PLEKHG5: variants seen among roughly 807,000 people sequenced by gnomAD.
PLEKHG5 encodes pleckstrin homology and RhoGEF domain containing G5, also known as pleckstrin homology domain-containing family G member 5.
A neutral mutation model predicts 103.8 loss-of-function variants in PLEKHG5; 52 were observed. That is an observed-to-expected ratio of 0.50 (90% CI 0.40 to 0.63). The LOEUF (loss-of-function observed/expected upper bound fraction) is 0.63, where lower values mean the gene tolerates loss of function less well. Ranked by LOEUF, PLEKHG5 falls within the 30% of genes least tolerant of loss-of-function variation. The pLI, the probability that PLEKHG5 is intolerant of heterozygous loss-of-function variation, is 0.00. For missense variants in PLEKHG5, 1,205 were observed against 1,347.6 expected (o/e 0.89, Z 1.66); for synonymous variants, 592 against 575.5 (o/e 1.03, Z -0.41).
At chr1:6,485,785 G>A (rs980522081) in intron 1 of PLEKHG5, 57 of 695,546 alleles carry the variant, frequency 8.2e-5, no homozygotes, top group Non-Finnish European at 1.0e-4. Context: ...CCTCCGCCCA[G>A]TCCCCGGGAC....
chr1:6,501,001 T>C (rs970561373), upstream of PLEKHG5, among the ~76,000 whole-genome samples: 6 of 152,232 alleles, frequency 3.9e-5, no homozygotes, highest in Non-Finnish European at 8.8e-5. This position sits in a 1 kb window ranked among gnomAD's most constrained non-coding sequence, Gnocchi z 4.3. Flanking sequence ...ATGTTTTGTT[T>C]GGCTGAGAAC....
intron 1 of PLEKHG5, among the ~76,000 whole-genome samples, chr1:6,482,989 G>A (rs958327488): frequency 7.2e-5 from 11 of 152,314 alleles, no homozygotes; most frequent in African/African-American, 2.6e-4. Flanking sequence ...GATTACAGGC[G>A]TGAGCCACGG....
chr1:6,484,828 C>T (rs1644987310), intron 1 of PLEKHG5, among the ~76,000 whole-genome samples: 1 of 152,136 alleles, frequency 6.6e-6, no homozygotes. Context: ...AGCCAGCTCC[C>T]ACCCCCTCTA....
At chr1:6,515,612 A>C (rs770060142) in intron 1 of PLEKHG5, among the ~76,000 whole-genome samples, 3 of 152,088 alleles carry the variant, frequency 2.0e-5, no homozygotes, top group Admixed American at 6.6e-5. Flanking sequence ...GAATCATTTG[A>C]GGCCAGGAGT....
chr1:6,509,461 G>A (rs538919568), intron 1 of PLEKHG5, among the ~76,000 whole-genome samples: 2 of 152,350 alleles, frequency 1.3e-5, no homozygotes, highest in South Asian at 2.1e-4. Flanking sequence ...GTCCACCCCC[G>A]CAAGGTCTCG....
At chr1:6,496,458 C>T (rs745530934), upstream of PLEKHG5, 3 of 1,514,472 alleles carry the variant, frequency 2.0e-6, no homozygotes, top group Non-Finnish European at 2.7e-6. Flanking sequence ...GGCCCCTCTG[C>T]CCCCGAGGGT....
intron 13 of PLEKHG5, 37 bp downstream of exon 13, chr1:6,470,953 C>A: frequency 6.4e-7 from 1 of 1,552,166 alleles, no homozygotes; most frequent in Non-Finnish European, 8.7e-7. Flanking sequence ...AGGGTCCCGT[C>A]CTCCTGCGCC....
intron 1 of PLEKHG5, among the ~76,000 whole-genome samples, chr1:6,518,723 G>A (rs1008222922): frequency 1.3e-5 from 2 of 152,176 alleles, no homozygotes. Flanking sequence ...CAGTCTGAAG[G>A]GCCTTGGGGC....
chr1:6,472,916 T>A lies in PLEKHG5; in HGVS notation c.984+70A>T, dbSNP rs143910602. 35 of 1,452,846 alleles carry A rather than the reference T, an allele frequency of 2.4e-5. No homozygotes were observed. In the African/African-American group the frequency reaches 4.6e-4, roughly 19 times the overall value. 90.0% of individuals were successfully genotyped at this position (1,452,846 alleles called of 1,614,324 possible). A position where few individuals can be genotyped will look rare whatever the true frequency, so the allele number is the denominator to read the frequency against. ...TTGGGGCGTCCCATGGAACATCTGATCACTGGGTCCTCCCGAGGGCTGTCC... is the reference window on the plus strand; with the variant it reads ...TTGGGGCGTCCCATGGAACATCTGAACACTGGGTCCTCCCGAGGGCTGTCC... On this transcript the variant is annotated intron_variant, in intron 9 of 20. Transcript: ENST00000377728.
chr1:6,512,369 C>A (rs1638497911), intron 1 of PLEKHG5, among the ~76,000 whole-genome samples: 1 of 152,256 alleles, frequency 6.6e-6, no homozygotes, highest in South Asian at 2.1e-4. Flanking sequence ...GATGTGCCCC[C>A]TGACTTGGAC....
rs752051144 is a variant in PLEKHG5, at chr1:6,474,557, C to A, written c.333G>T (p.Lys111Asn). The A allele has an allele frequency of 6.2e-7, 1 of 1,613,814 alleles. No homozygotes were observed. Among genetic ancestry groups the A allele is most frequent in the African/African-American group, 1.3e-5 (1 of 75,040 alleles). ...TGTCCACTTTGCCCAGCGCAATGCC[C>A]TTCCTTTCAAATACAGGCAGCAGCA... Reference protein sequence around the residue: ...GEVLLPVFERKGIALGKVDIY... With the variant: ...GEVLLPVFERNGIALGKVDIY... The change falls in exon 6 of 21, where the codon AAG becomes AAT. Residue 111 changes from lysine to asparagine, a missense_variant. Lys to Asn is a moderately conservative substitution (Grantham distance 94). Coordinates refer to ENST00000377728, the MANE Select transcript of PLEKHG5 (RefSeq NM_020631.6).
Position 6,474,173 on chromosome 1 carries a change from G to C in PLEKHG5, c.440-9C>G, listed in dbSNP as rs772633418. 6.2e-7 allele frequency: 1 copy of C among 1,613,058 alleles called. No individual in the cohort carries two copies. Among genetic ancestry groups the C allele is most frequent in the Admixed American group, 1.7e-5 (1 of 60,008 alleles). ...TCCAGGCTTGGCTGGGGCTGCATGT[G>C]GGGGCCACGAGAGATCCTCAGTACC... On this transcript the variant is annotated splice_polypyrimidine_tract_variant and intron_variant, in intron 6 of 20. Transcript: ENST00000377728.
rs76386795 is a variant in PLEKHG5, at chr1:6,473,985, C to G, written c.591+28G>C. ...CCCAGCCTGGGCCCCTTCCCACCCCCTCCCCTGACACACCCCCTCCTCCTC... is the reference window on the plus strand; with the variant it reads ...CCCAGCCTGGGCCCCTTCCCACCCCGTCCCCTGACACACCCCCTCCTCCTC... On this transcript the variant is annotated intron_variant, in intron 7 of 20. Coordinates refer to ENST00000377728, the MANE Select transcript of PLEKHG5 (RefSeq NM_020631.6). The G allele has an allele frequency of 3.1e-3, 4,382 of 1,425,272 alleles. 94 individuals carry two copies. In the African/African-American group the frequency reaches 0.052, roughly 17 times the overall value. 88.3% of individuals were successfully genotyped at this position (1,425,272 alleles called of 1,614,324 possible).
upstream of PLEKHG5, chr1:6,497,079 G>A (rs1018836488): frequency 1.3e-6 from 2 of 1,488,484 alleles, no homozygotes; most frequent in Admixed American, 4.3e-5. This position sits in a 1 kb window ranked among gnomAD's most constrained non-coding sequence, Gnocchi z 6.1. Context: ...CTTCCTGGGG[G>A]CTGGAGTGCA....
intron 1 of PLEKHG5, among the ~76,000 whole-genome samples, chr1:6,511,668 C>A (rs1570004844): frequency 2.0e-5 from 3 of 152,368 alleles, no homozygotes; most frequent in South Asian, 4.1e-4. Flanking sequence ...GGCAGCAGGG[C>A]CACGACAGGG....
intron 1 of PLEKHG5, among the ~76,000 whole-genome samples, chr1:6,515,057 T>TA (rs997506322): frequency 4.6e-4 from 69 of 151,372 alleles, no homozygotes; most frequent in African/African-American, 1.6e-3. Flanking sequence ...CATCAAAAAA[T>TA]AAAAAAATAA....
At chr1:6,479,635 C>T (rs976104566) in intron 1 of PLEKHG5, among the ~76,000 whole-genome samples, 1 of 150,864 alleles carries the variant, frequency 6.6e-6, no homozygotes, top group East Asian at 1.9e-4. Flanking sequence ...TTCTTCAAGA[C>T]AGGGTCTCGC....
At chr1:6,498,320 C>G (rs1645256460), upstream of PLEKHG5, among the ~76,000 whole-genome samples, 1 of 152,194 alleles carries the variant, frequency 6.6e-6, no homozygotes, top group South Asian at 2.1e-4. Context: ...ACTGGAAGGC[C>G]TCTCAGCTGG....
rs1253800281 is a variant in PLEKHG5 at position 6,490,020 on chromosome 1, T to C, written c.-88+1617A>G. Among the ~76,000 whole-genome samples the C allele has an allele frequency of 6.6e-6, 1 of 152,178 alleles. No individual in the cohort carries two copies. The highest frequency in any genetic ancestry group is 2.4e-5 in the African/African-American group (1 of 41,442). ...AGTGGGTGCCTGGGTCTGCTCAGAC[T>C]GCCCGAGGCGCAGCCTCTGGCGCCC... On this transcript the variant is annotated intron_variant, in intron 1 of 20. Transcript: ENST00000377728. The surrounding 1 kb of genome is among the most constrained non-coding windows in gnomAD (Gnocchi z 8.0).
Sources: gnomAD v4.1 joint callset for allele counts (sites outside exome capture counted in the v4.1 genomes callset) on GRCh38, gnomAD v4.1.1 for gene constraint, Gnocchi (gnomAD v3.1) non-coding constraint, MANE v1.5 for transcripts, NCBI Gene and HGNC (gene_info 2026-07-23, HGNC 2026-07-21) for gene names.